The following TRMO variants were observed in gnomAD, a reference collection of about 807,000 sequenced individuals.
The protein encoded by TRMO is tRNA (adenine(37)-N6)-methyltransferase.
TRMO carries 30 observed loss-of-function variants against 37.2 expected under a neutral mutation model. That is an observed-to-expected ratio of 0.81 (90% CI 0.60 to 1.09). TRMO has a LOEUF of 1.09. Among genes scored for constraint, TRMO ranks in the 50% least tolerant of loss-of-function variants. The probability of loss-of-function intolerance (pLI) is 0.00; values close to 1 mark genes in which losing one functional copy is unlikely to be tolerated. For synonymous variants in TRMO, 239 were observed against 199.4 expected, an observed-to-expected ratio of 1.20 and a Z score of -1.67; for missense variants, 552 against 549.5, an observed-to-expected ratio of 1.00 and a Z score of -0.05.
At chr9:97,902,227 A>G (rs1420321439), downstream of TRMO, among the ~76,000 whole-genome samples, 1 of 152,258 alleles carries the variant, frequency 6.6e-6, no homozygotes, top group African/African-American at 2.4e-5. Flanking sequence ...GAAAGGCCAG[A>G]TAGTGGGAAC....
the TRMO span, among the ~76,000 whole-genome samples, chr9:97,898,986 C>T: frequency 1.1e-4 from 16 of 151,432 alleles, no homozygotes; most frequent in Non-Finnish European, 2.1e-4. Flanking sequence ...ACTACAGGCG[C>T]CTGTCACCAC....
At chr9:97,909,764 C>G (rs1826023073) in intron 4 of TRMO, among the ~76,000 whole-genome samples, 196 bp downstream of exon 4, 1 of 152,210 alleles carries the variant, frequency 6.6e-6, no homozygotes, top group Non-Finnish European at 1.5e-5. Flanking sequence ...CAGCCTGGAA[C>G]TAACTGTGCT....
chr9:97,912,891 T>C (rs1433554240), intron 3 of TRMO: 2 of 1,300,508 alleles, frequency 1.5e-6, no homozygotes, highest in Non-Finnish European at 2.0e-6. Flanking sequence ...TGTTTGTCCT[T>C]GTAGTGTGAT....
At chr9:97,910,931 C>T (rs1826095598) in intron 3 of TRMO, 2 of 539,586 alleles carry the variant, frequency 3.7e-6, no homozygotes, top group Non-Finnish European at 7.1e-6. Flanking sequence ...TGCTAGAGCG[C>T]TTTCCCCACG....
the TRMO span, among the ~76,000 whole-genome samples, chr9:97,899,361 C>T: frequency 6.6e-6 from 1 of 152,044 alleles, no homozygotes; most frequent in East Asian, 1.9e-4. Context: ...GGGAGGAGCA[C>T]TTTGTGATAC....
chr9:97,901,414 A>C (rs1831167278), downstream of TRMO, among the ~76,000 whole-genome samples: 1 of 152,118 alleles, frequency 6.6e-6, no homozygotes, highest in African/African-American at 2.4e-5. Context: ...CACTTAATAA[A>C]GGACCAAATG....
intron 1 of TRMO, among the ~76,000 whole-genome samples, chr9:97,916,792 G>C (rs1270951448): frequency 7.0e-6 from 1 of 143,784 alleles, no homozygotes; most frequent in Non-Finnish European, 1.5e-5. Flanking sequence ...TGCAACTTCT[G>C]CTTCCCGGGT....
intron 4 of TRMO, among the ~76,000 whole-genome samples, chr9:97,908,456 G>A (rs905366683): frequency 1.1e-4 from 17 of 151,672 alleles, no homozygotes; most frequent in African/African-American, 3.9e-4. Context: ...AGGTGTTGTG[G>A]TGCACACCTG....
intron 2 of TRMO, 37 bp downstream of exon 2, chr9:97,916,127 G>A (rs1826347338): frequency 1.3e-6 from 2 of 1,514,086 alleles, no homozygotes; most frequent in Non-Finnish European, 1.8e-6. Context: ...GGCAAGTTCT[G>A]GCCCAAAATC....
chr9:97,898,574 G>T, the TRMO span, among the ~76,000 whole-genome samples: 5 of 151,766 alleles, frequency 3.3e-5, no homozygotes, highest in African/African-American at 1.2e-4. Flanking sequence ...TTTTGTTTTA[G>T]AGACGGGCTT....
At chr9:97,903,439 A>C (rs1439421829), downstream of TRMO, among the ~76,000 whole-genome samples, 1 of 152,214 alleles carries the variant, frequency 6.6e-6, no homozygotes, top group African/African-American at 2.4e-5. Context: ...ACTATTCAAG[A>C]CTATTTCAAT....
Position 97,904,743 on chromosome 9 carries a change from A to G in TRMO, c.1316T>C (p.Leu439Pro). The G allele has an allele frequency of 6.2e-7, 1 of 1,613,964 alleles. No individual in the cohort carries two copies. The highest frequency in any genetic ancestry group is 1.3e-5 in the African/African-American group (1 of 75,062). Residue 439 changes from leucine (L) to proline (P), a missense_variant, in exon 5 of 5, where the codon CTA (leucine) becomes CCA (proline). Transcript: ENST00000375119. The stretch of plus-strand genomic sequence containing the variant: ...CATGAGGGAGGCTCCTTAAGACCCT[A>G]GAGACACCAAGGACCCCACAGGGCC... ...MTGPVGSLVS[L>P]GS
Position 97,916,705 on chromosome 9 carries a change from C to CTTT in TRMO, c.77-370_77-368dup, listed in dbSNP as rs555924368. On this transcript the variant is annotated intron_variant, in intron 1 of 4. Coordinates refer to ENST00000375119, the MANE Select transcript of TRMO (RefSeq NM_016481.5). The stretch of plus-strand genomic sequence containing the variant: ...GCCAGGGCTATGAGCGTATTTCTTT[C>CTTT]TTTTTTTTTTTTTTTTTTGAGATGG... Among the ~76,000 whole-genome samples, 254 of 124,590 alleles carry CTTT rather than the reference C, an allele frequency of 2.0e-3. 8 individuals are homozygous for CTTT. Among genetic ancestry groups the CTTT allele is most frequent in the Middle Eastern group, 9.3e-3 (2 of 216 alleles). 81.7% of individuals were successfully genotyped at this position (124,590 alleles called of 152,430 possible).
At chr9:97,916,069 TG>T in intron 2 of TRMO, 94 bp downstream of exon 2, 1 of 841,298 alleles carries the variant, frequency 1.2e-6, no homozygotes, top group Non-Finnish European at 1.8e-6. Context: ...GAGGGTGGTC[TG>T]GATGGCAGAC....
downstream of TRMO, chr9:97,900,713 G>A: frequency 1.1e-6 from 1 of 943,504 alleles, no homozygotes; most frequent in Non-Finnish European, 1.3e-6. Context: ...CCAAGGACAT[G>A]ATAAAAGTTC....
At chr9:97,918,754 C>A (rs1826485775) in intron 1 of TRMO, among the ~76,000 whole-genome samples, 1 of 152,094 alleles carries the variant, frequency 6.6e-6, no homozygotes. Context: ...TATGATGAAA[C>A]CCCGTGTATA....
At chr9:97,899,524 C>T (rs928862330), downstream of TRMO, among the ~76,000 whole-genome samples, 8 of 151,962 alleles carry the variant, frequency 5.3e-5, no homozygotes, top group Non-Finnish European at 8.8e-5. Flanking sequence ...CTGCAACCTC[C>T]ATCTCCCAAG....
At chr9:97,901,489 A>G (rs1438913725), downstream of TRMO, among the ~76,000 whole-genome samples, 1 of 152,160 alleles carries the variant, frequency 6.6e-6, no homozygotes, top group East Asian at 1.9e-4. Flanking sequence ...GACAGTCATA[A>G]TTATGGCACT....
At chr9:97,896,886 T>G in the TRMO span, among the ~76,000 whole-genome samples, 1 of 152,190 alleles carries the variant, frequency 6.6e-6, no homozygotes, top group East Asian at 1.9e-4. Flanking sequence ...TTTCCTCATG[T>G]TCCACATATA....
Sources: gnomAD v4.1 joint callset for allele counts (sites outside exome capture counted in the v4.1 genomes callset) on GRCh38, gnomAD v4.1.1 for gene constraint, MANE v1.5 for transcripts, NCBI Gene and HGNC (gene_info 2026-07-23, HGNC 2026-07-21) for gene names.